Variants in RBFOX1 observed in about 807,000 individuals in gnomAD.
RBFOX1 encodes the protein RNA binding fox-1 homolog 1.
A neutral mutation model predicts 57.7 loss-of-function variants in RBFOX1; 8 were observed. The observed-to-expected ratio is 0.14, with a 90% CI of 0.08 to 0.25. The LOEUF is 0.25. Ranked by LOEUF, RBFOX1 falls within the 10% of genes least tolerant of loss-of-function variation. The pLI, the probability that RBFOX1 is intolerant of heterozygous loss-of-function variation, is 1.00. For synonymous variants in RBFOX1, 326 were observed against 222.4 expected, an observed-to-expected ratio of 1.47 and a Z score of -4.15; for missense variants, 611 against 548.5, an observed-to-expected ratio of 1.11 and a Z score of -1.14.
chr16:7,454,204 G>C (rs984609129), intron 4 of RBFOX1, among the ~76,000 whole-genome samples: 47 of 152,322 alleles, frequency 3.1e-4, no homozygotes, highest in African/African-American at 1.1e-3. Flanking sequence ...CGGCACTCCA[G>C]CCTGGGCAGG....
intron 1 of RBFOX1, among the ~76,000 whole-genome samples, chr16:6,232,954 C>G (rs1331155508): frequency 6.6e-6 from 1 of 152,152 alleles, no homozygotes; most frequent in Non-Finnish European, 1.5e-5. Flanking sequence ...GGTTTGAGAA[C>G]TCTCAATATG....
At chr16:5,790,147 T>C (rs1425762553) in intron 3 of RBFOX1, among the ~76,000 whole-genome samples, 1 of 152,192 alleles carries the variant, frequency 6.6e-6, no homozygotes, top group African/African-American at 2.4e-5. Context: ...TGCGAGGGTC[T>C]CACATGGAGA....
chr16:5,484,622 T>C (rs943033611), intron 2 of RBFOX1, among the ~76,000 whole-genome samples: 1 of 151,950 alleles, frequency 6.6e-6, no homozygotes, highest in Non-Finnish European at 1.5e-5. Flanking sequence ...TACAAAAAAT[T>C]TTTAAAATGG....
At chr16:5,537,865 A>G (rs1250422547) in intron 2 of RBFOX1, among the ~76,000 whole-genome samples, 1 of 152,222 alleles carries the variant, frequency 6.6e-6, no homozygotes, top group Non-Finnish European at 1.5e-5. Flanking sequence ...GTTTTGCCAC[A>G]TAAGGTAACA....
chr16:6,805,577 G>A (rs529583593), intron 3 of RBFOX1, among the ~76,000 whole-genome samples: 2 of 149,942 alleles, frequency 1.3e-5, no homozygotes, highest in African/African-American at 2.5e-5. Context: ...CACATTGAAA[G>A]GAATACAGAT....
At chr16:7,154,748 C>A (rs756983086) in intron 4 of RBFOX1, among the ~76,000 whole-genome samples, 1 of 145,910 alleles carries the variant, frequency 6.9e-6, no homozygotes, top group Non-Finnish European at 1.5e-5. Flanking sequence ...TTTGCATGTA[C>A]CACATGTTGT....
At chr16:6,624,974 G>A (rs574266462) in intron 2 of RBFOX1, among the ~76,000 whole-genome samples, 1 of 151,936 alleles carries the variant, frequency 6.6e-6, no homozygotes, top group Admixed American at 6.6e-5. Context: ...AGACCAGCCT[G>A]GCCAACATGG....
At chr16:7,334,078 T>C (rs1024880296) in intron 4 of RBFOX1, among the ~76,000 whole-genome samples, 1 of 152,114 alleles carries the variant, frequency 6.6e-6, no homozygotes, top group Non-Finnish European at 1.5e-5. Context: ...ATACCCTAGC[T>C]CATTAATTAC....
chr16:6,976,796 A>G (rs532360676), intron 3 of RBFOX1, among the ~76,000 whole-genome samples: 1 of 111,250 alleles, frequency 9.0e-6, no homozygotes, highest in Non-Finnish European at 1.7e-5. Context: ...TATATATATG[A>G]TATATGAGAT....
At chr16:6,735,573 G>T (rs1315404923) in intron 3 of RBFOX1, among the ~76,000 whole-genome samples, 1 of 152,202 alleles carries the variant, frequency 6.6e-6, no homozygotes, top group African/African-American at 2.4e-5. Context: ...GATGTGACTT[G>T]TATTTGCTTA....
At chr16:7,549,178 G>A (rs1483763226) in intron 5 of RBFOX1, among the ~76,000 whole-genome samples, 1 of 152,206 alleles carries the variant, frequency 6.6e-6, no homozygotes, top group South Asian at 2.1e-4. Context: ...CCTTGAGGTG[G>A]GAAACACCCT....
rs145184091 is a variant in RBFOX1, at chr16:6,845,760, C to T, written c.-16+191110C>T. ...TCCTGACCCCCATACACAACTCACA[C>T]TGGTCTTTTATCAGATCCTCAAACA... On this transcript the variant is annotated intron_variant, in intron 3 of 15. Coordinates refer to ENST00000550418, the MANE Select transcript of RBFOX1 (RefSeq NM_018723.4). Among the ~76,000 whole-genome samples, 545 of 152,324 alleles carry T rather than the reference C, an allele frequency of 3.6e-3. 5 individuals carry two copies. Among genetic ancestry groups the T allele is most frequent in the African/African-American group, 0.012 (515 of 41,574 alleles).
At chr16:6,953,413 G>C (rs1010098739) in intron 3 of RBFOX1, among the ~76,000 whole-genome samples, 2 of 151,826 alleles carry the variant, frequency 1.3e-5, no homozygotes, top group Admixed American at 1.3e-4. Context: ...TTGAGATAGA[G>C]TCTTGCTTTG....
chr16:6,277,855 A>G (rs1208548507), intron 1 of RBFOX1, among the ~76,000 whole-genome samples: 2 of 151,976 alleles, frequency 1.3e-5, no homozygotes, highest in Middle Eastern at 3.2e-3. Context: ...GAAACTTTTG[A>G]TCTGCTGGGA....
intron 1 of RBFOX1, among the ~76,000 whole-genome samples, chr16:5,286,005 C>T (rs924299400): frequency 6.6e-6 from 1 of 152,118 alleles, no homozygotes; most frequent in South Asian, 2.1e-4. Flanking sequence ...CTCCTCACCT[C>T]GTGATCTGCC....
intron 4 of RBFOX1, among the ~76,000 whole-genome samples, chr16:7,312,821 T>A (rs1259152065): frequency 6.6e-6 from 1 of 152,152 alleles, no homozygotes; most frequent in Non-Finnish European, 1.5e-5. Context: ...TGGGCACACG[T>A]TGAAGTTTAT....
chr16:7,648,061 C>A (rs2064113849), intron 11 of RBFOX1, among the ~76,000 whole-genome samples: 1 of 152,128 alleles, frequency 6.6e-6, no homozygotes, highest in Admixed American at 6.5e-5. Flanking sequence ...ATAATAAAAG[C>A]ATCCATTCTT....
intron 3 of RBFOX1, among the ~76,000 whole-genome samples, chr16:6,862,791 C>A (rs1479061445): frequency 6.6e-6 from 1 of 152,056 alleles, no homozygotes; most frequent in Non-Finnish European, 1.5e-5. Flanking sequence ...TGAAGATCAG[C>A]CTGGCCAAAA....
rs552116761 is a variant in RBFOX1, at chr16:6,648,905, A to T, written c.-63-5698A>T. On this transcript the variant is annotated intron_variant, in intron 2 of 15. Coordinates refer to ENST00000550418, the MANE Select transcript of RBFOX1 (RefSeq NM_018723.4). The stretch of plus-strand genomic sequence containing the variant: ...GTTTGGAATGTGTGTACATTGTGGA[A>T]TGGCTAAATAGAGCCAATATCATAT... Among the ~76,000 whole-genome samples the T allele has an allele frequency of 1.2e-4, 18 of 152,300 alleles. No individual in the cohort carries two copies. In the South Asian group the frequency reaches 3.1e-3, roughly 26 times the overall value.
Sources: allele counts gnomAD v4.1 joint callset (sites outside exome capture counted in the v4.1 genomes callset), GRCh38; gene constraint gnomAD v4.1.1; transcripts MANE v1.5; gene names NCBI Gene and HGNC (gene_info 2026-07-23, HGNC 2026-07-21).